Variants in NFYC observed in about 807,000 individuals in gnomAD.
NFYC encodes the protein nuclear transcription factor Y subunit gamma, also known as CAAT box DNA-binding protein subunit C.
In NFYC, 25 loss-of-function variants were observed where a neutral mutation model predicts 53.1. The ratio of observed to expected loss-of-function variants is 0.47; its 90% confidence interval spans 0.34 to 0.66. NFYC has a LOEUF of 0.66. Among genes scored for constraint, NFYC ranks in the 30% least tolerant of loss-of-function variants. The pLI, the probability that NFYC is intolerant of heterozygous loss-of-function variation, is 0.01. For missense variants in NFYC, 260 were observed against 422.7 expected, an observed-to-expected ratio of 0.62 and a Z score of 3.38; for synonymous variants, 145 against 152.6, an observed-to-expected ratio of 0.95 and a Z score of 0.37.
intron 1 of NFYC, among the ~76,000 whole-genome samples, chr1:40,697,532 G>C (rs548823424): frequency 6.6e-6 from 1 of 152,330 alleles, no homozygotes; most frequent in Non-Finnish European, 1.5e-5. Flanking sequence ...TAATGATTGC[G>C]ATGCGATGAA....
intron 1 of NFYC, among the ~76,000 whole-genome samples, chr1:40,731,730 C>A (rs1006769230): frequency 1.4e-5 from 2 of 147,666 alleles, no homozygotes; most frequent in Admixed American, 6.7e-5. Flanking sequence ...GTGATCTGCC[C>A]ACCTCGGCCT....
intron 2 of NFYC, among the ~76,000 whole-genome samples, chr1:40,740,923 ATT>A (rs111415840): frequency 1.1e-4 from 16 of 140,706 alleles, no homozygotes; most frequent in Non-Finnish European, 1.4e-4. Context: ...TTGGACTTTG[ATT>A]TTTTTTTTTT....
chr1:40,744,239 C>T (rs1294375242), intron 2 of NFYC, among the ~76,000 whole-genome samples: 2 of 152,222 alleles, frequency 1.3e-5, no homozygotes, highest in African/African-American at 2.4e-5. Context: ...ATCTAATGCC[C>T]ACCCTGCCCA....
At chr1:40,731,966 A>G (rs1336388382) in intron 1 of NFYC, among the ~76,000 whole-genome samples, 2 of 152,138 alleles carry the variant, frequency 1.3e-5, no homozygotes, top group East Asian at 1.9e-4. Flanking sequence ...TGGTTTTGTT[A>G]TATGTTTGGC....
At chr1:40,726,091 A>G (rs1169209997) in intron 1 of NFYC, among the ~76,000 whole-genome samples, 1 of 143,966 alleles carries the variant, frequency 6.9e-6, no homozygotes, top group African/African-American at 2.5e-5. Context: ...GGCTTTGGCA[A>G]TTTCTGTGTA....
chr1:40,762,684 T>G (rs1646609814), intron 6 of NFYC, among the ~76,000 whole-genome samples: 2 of 152,174 alleles, frequency 1.3e-5, no homozygotes, highest in Admixed American at 1.3e-4. Context: ...CTAAAAATAT[T>G]TTTGGTTTTT....
rs1282783800 is a variant in NFYC, at chr1:40,762,955, G to A, written c.629G>A (p.Gly210Asp). 3.1e-6 allele frequency: 5 copies of A among 1,611,708 alleles called. No individual in the cohort carries two copies. Residue 210 changes from glycine (G) to aspartate (D), a missense_variant, in exon 7 of 10, where the codon GGT becomes GAT. By Grantham distance (94) the Gly-to-Asp change is moderately conservative. Coordinates refer to ENST00000447388, the MANE Select transcript of NFYC (RefSeq NM_014223.5). ...CAGATTGTCCAGGCTCAGCCACAGG[G>A]TCAAGCCCAACAGGCCCAGAGTGGC... ...QVQIVQAQPQ[G>D]QAQQAQSGTG...
At chr1:40,752,102 T>G (rs1002642339) in intron 4 of NFYC, among the ~76,000 whole-genome samples, 13 of 152,236 alleles carry the variant, frequency 8.5e-5, no homozygotes, top group Non-Finnish European at 1.9e-4. Flanking sequence ...TGTTAACATT[T>G]TCCCCAGCAT....
rs567659698 is a variant in NFYC at position 40,696,895 on chromosome 1, AG to A, written c.-9+5030del. Among the ~76,000 whole-genome samples the A allele has an allele frequency of 5.9e-5, 9 of 152,306 alleles. No individual in the cohort carries two copies. In the South Asian group the frequency reaches 1.9e-3, roughly 32 times the overall value. On this transcript the variant is annotated intron_variant, in intron 1 of 9. Transcript: ENST00000447388. ...ACTGTCACAGTTTAGGAAGGCTACA[AG>A]GTCATTTTAGTGTTTTCCTGCAGAG... is the stretch of plus-strand genomic sequence containing the variant.
At chr1:40,744,694 C>T (rs1179559230) in intron 2 of NFYC, among the ~76,000 whole-genome samples, 1 of 152,128 alleles carries the variant, frequency 6.6e-6, no homozygotes, top group East Asian at 1.9e-4. Context: ...GATAGAACTC[C>T]CAAAAGTAGG....
intron 3 of NFYC, among the ~76,000 whole-genome samples, chr1:40,748,619 T>C (rs1472032079): frequency 6.6e-6 from 1 of 152,198 alleles, no homozygotes; most frequent in African/African-American, 2.4e-5. Flanking sequence ...ATAATACTTG[T>C]GAGAGGGTTT....
At chr1:40,714,723 T>TC (rs150388369) in intron 1 of NFYC, among the ~76,000 whole-genome samples, 47,443 of 151,868 alleles carry the variant, frequency 0.31, 8,081 homozygotes, top group East Asian at 0.41. Context: ...CAAGCAGTCC[T>TC]CCCACCTCAG....
In NFYC at chr1:40,770,592, G is replaced by A. The variant is rs751084324; in HGVS notation, c.889-117G>A. On this transcript the variant is annotated intron_variant, in intron 9 of 9. Transcript: ENST00000447388. The surrounding 1 kb of genome is among the most constrained non-coding windows in gnomAD (Gnocchi z 5.3). Reference sequence around the variant, plus strand: ...CTCCACTTCCCCTCCTCCTTCTGACGCCTTGCAGTGGGTGGTGGTTGAGGT... The same window carrying A: ...CTCCACTTCCCCTCCTCCTTCTGACACCTTGCAGTGGGTGGTGGTTGAGGT... 5.0e-6 allele frequency: 8 copies of A among 1,612,640 alleles called. No individual in the cohort carries two copies. The highest frequency in any genetic ancestry group is 3.3e-5 in the South Asian group (3 of 90,874).
At chr1:40,717,654 C>G (rs943190823) in intron 1 of NFYC, among the ~76,000 whole-genome samples, 4 of 152,172 alleles carry the variant, frequency 2.6e-5, no homozygotes, top group African/African-American at 9.7e-5. Context: ...CCTTCACTTG[C>G]TTTAAAGATG....
At chr1:40,755,312 G>C (rs1646151230) in intron 5 of NFYC, among the ~76,000 whole-genome samples, 1 of 152,196 alleles carries the variant, frequency 6.6e-6, no homozygotes, top group Non-Finnish European at 1.5e-5. Context: ...CACTGCTAAA[G>C]TTGAGCAAGT....
chr1:40,734,584 C>T (rs903925399), intron 1 of NFYC, among the ~76,000 whole-genome samples: 1 of 152,124 alleles, frequency 6.6e-6, no homozygotes, highest in African/African-American at 2.4e-5. Context: ...TGGTCTCGAA[C>T]TCCTGACCTC....
chr1:40,737,436 C>G (rs1245438074), intron 1 of NFYC, among the ~76,000 whole-genome samples: 1 of 150,882 alleles, frequency 6.6e-6, no homozygotes, highest in Non-Finnish European at 1.5e-5. Context: ...TCAAGCGATT[C>G]TCCTGCCTCA....
At chr1:40,754,461 T>A (rs1318037272) in intron 5 of NFYC, 1 of 532,878 alleles carries the variant, frequency 1.9e-6, no homozygotes, top group African/African-American at 1.9e-5. Flanking sequence ...CGTCCCCAGC[T>A]ACGCACCGGC....
At chr1:40,737,684 A>C (rs1430891443) in intron 1 of NFYC, among the ~76,000 whole-genome samples, 1 of 151,874 alleles carries the variant, frequency 6.6e-6, no homozygotes, top group Non-Finnish European at 1.5e-5. Context: ...GTGCTGTGTT[A>C]GGCTTGTGTT....
Sources: gnomAD v4.1 joint callset for allele counts (sites outside exome capture counted in the v4.1 genomes callset) on GRCh38, gnomAD v4.1.1 for gene constraint, Gnocchi (gnomAD v3.1) non-coding constraint, MANE v1.5 for transcripts, NCBI Gene and HGNC (gene_info 2026-07-23, HGNC 2026-07-21) for gene names.